Variants in ERC1 observed in about 807,000 individuals in gnomAD.
ERC1 encodes the protein ELKS/RAB6-interacting/CAST family member 1.
Under a neutral mutation model 132.0 loss-of-function variants are expected in ERC1, and 56 were observed. The observed-to-expected ratio is 0.42, with a 90% CI of 0.34 to 0.53. ERC1 has a LOEUF of 0.53. Ranked by LOEUF, ERC1 falls within the 20% of genes least tolerant of loss-of-function variation. ERC1 has a pLI of 0.03. For missense variants in ERC1, 1,202 were observed against 1,349.9 expected, an observed-to-expected ratio of 0.89 and a Z score of 1.72; for synonymous variants, 478 against 476.1, an observed-to-expected ratio of 1.00 and a Z score of -0.05.
At chr12:1,268,281 T>G (rs927091370) in intron 14 of ERC1, among the ~76,000 whole-genome samples, 1 of 152,260 alleles carries the variant, frequency 6.6e-6, no homozygotes, top group African/African-American at 2.4e-5. Flanking sequence ...TCCCTCATTG[T>G]TTATTAAATG....
At chr12:1,282,274 G>C (rs1250663364) in intron 14 of ERC1, among the ~76,000 whole-genome samples, 1 of 152,050 alleles carries the variant, frequency 6.6e-6, no homozygotes, top group African/African-American at 2.4e-5. Context: ...TTCTCTGTAT[G>C]ACCTCGGACA....
At chr12:1,404,040 T>G (rs111449649) in intron 16 of ERC1, among the ~76,000 whole-genome samples, 4,189 of 152,314 alleles carry the variant, frequency 0.028, 71 homozygotes, top group Middle Eastern at 0.058. Context: ...CTACATCTTT[T>G]CAAGATTGTC....
chr12:1,230,599 C>T (rs898282013), intron 12 of ERC1, among the ~76,000 whole-genome samples: 1 of 152,130 alleles, frequency 6.6e-6, no homozygotes, highest in African/African-American at 2.4e-5. Flanking sequence ...GCTCTATACT[C>T]TTATTCAGGT....
intron 12 of ERC1, among the ~76,000 whole-genome samples, chr12:1,219,576 A>T (rs1461528896): frequency 6.6e-6 from 1 of 151,440 alleles, no homozygotes; most frequent in Non-Finnish European, 1.5e-5. Flanking sequence ...TCCAATGGCT[A>T]TCTGCTTCTA....
At chr12:1,471,151 A>T (rs1309855994) in intron 18 of ERC1, among the ~76,000 whole-genome samples, 2 of 152,228 alleles carry the variant, frequency 1.3e-5, no homozygotes, top group Non-Finnish European at 2.9e-5. Flanking sequence ...CCTGCTGAGC[A>T]TGGTGGCACA....
chr12:1,281,318 C>T (rs1164818881), intron 14 of ERC1, among the ~76,000 whole-genome samples: 1 of 151,998 alleles, frequency 6.6e-6, no homozygotes, highest in Non-Finnish European at 1.5e-5. Flanking sequence ...ATTGTGTTAA[C>T]TCCCTAGCAA....
chr12:1,167,654 A>G (rs1266376531), intron 8 of ERC1, among the ~76,000 whole-genome samples: 2 of 151,700 alleles, frequency 1.3e-5, no homozygotes, highest in Non-Finnish European at 2.9e-5. Flanking sequence ...TAGAAAAATC[A>G]TGTAATTTTA....
intron 16 of ERC1, among the ~76,000 whole-genome samples, chr12:1,397,601 A>G (rs1367846234): frequency 6.6e-6 from 1 of 152,212 alleles, no homozygotes; most frequent in African/African-American, 2.4e-5. Context: ...AAGGGGGAAC[A>G]TGTGCAATTA....
chr12:1,322,375 A>T (rs548558785), intron 15 of ERC1, among the ~76,000 whole-genome samples: 1 of 152,316 alleles, frequency 6.6e-6, no homozygotes, highest in Admixed American at 6.5e-5. Context: ...AGGCCAATTT[A>T]GTGATAGAAC....
intron 16 of ERC1, chr12:1,390,538 C>G (rs2089865909): frequency 6.6e-6 from 1 of 151,988 alleles, no homozygotes; most frequent in Non-Finnish European, 1.5e-5. Flanking sequence ...AAACATGGGA[C>G]AAAGAATGAA....
At chr12:1,200,413 A>G (rs1327439959) in intron 12 of ERC1, among the ~76,000 whole-genome samples, 3 of 152,106 alleles carry the variant, frequency 2.0e-5, no homozygotes, top group Non-Finnish European at 4.4e-5. Flanking sequence ...TTCGCTAGTA[A>G]TCTCTCTTTC....
chr12:1,269,602 G>A (rs2077690479), intron 14 of ERC1, among the ~76,000 whole-genome samples: 1 of 152,134 alleles, frequency 6.6e-6, no homozygotes, highest in East Asian at 1.9e-4. Flanking sequence ...GTTGGGTGGA[G>A]GATGAATTAG....
intron 14 of ERC1, among the ~76,000 whole-genome samples, chr12:1,279,902 G>A (rs2078558255): frequency 6.6e-6 from 1 of 152,114 alleles, no homozygotes; most frequent in African/African-American, 2.4e-5. Flanking sequence ...CACCATGTTG[G>A]CCAGGCTGGT....
chr12:1,447,449 G>A (rs1387347647), intron 18 of ERC1, among the ~76,000 whole-genome samples: 18 of 150,858 alleles, frequency 1.2e-4, no homozygotes, highest in African/African-American at 3.4e-4. Flanking sequence ...CCGGGCAGTC[G>A]TGGCTACAAT....
chr12:1,379,743 G>C (rs2154377771), intron 16 of ERC1, among the ~76,000 whole-genome samples: 1 of 152,268 alleles, frequency 6.6e-6, no homozygotes, highest in Admixed American at 6.5e-5. Context: ...AGTGACCCGA[G>C]AGAGGAAGAG....
In ERC1 at chr12:1,339,879, G is replaced by A. The variant is rs181262769; in HGVS notation, c.2781-31954G>A. Reference sequence around the variant, plus strand: ...GGCTGGCTGGTTCTGTGCTCACCAAGGCTCCAACTGCAGTGACGGTCCAGC... The same window carrying A: ...GGCTGGCTGGTTCTGTGCTCACCAAAGCTCCAACTGCAGTGACGGTCCAGC... On this transcript the variant is annotated intron_variant, in intron 15 of 18. Transcript: ENST00000360905. Among the ~76,000 whole-genome samples, 28 of 152,304 alleles carry A rather than the reference G, an allele frequency of 1.8e-4. No homozygotes were observed. In the East Asian group the frequency reaches 3.5e-3, roughly 19 times the overall value.
At chr12:1,220,370 C>CATTCAGTAAATATTTGCTG (rs1410833909) in intron 12 of ERC1, among the ~76,000 whole-genome samples, 1 of 152,176 alleles carries the variant, frequency 6.6e-6, no homozygotes. Context: ...TCTTGGCAGG[C>CATTCAGTAAATATTTGCTG]ATTCAGTAAA....
At chr12:1,487,372 ATTTTTTTTTT>A (rs574707385) in intron 18 of ERC1, among the ~76,000 whole-genome samples, 961 of 57,988 alleles carry the variant, frequency 0.017, 11 homozygotes, top group African/African-American at 0.056. Context: ...AAGCATCTAG[ATTTTTTTTTT>A]TTTTTTTTTT....
intron 16 of ERC1, among the ~76,000 whole-genome samples, chr12:1,398,106 C>A (rs2090693551): frequency 6.6e-6 from 1 of 152,116 alleles, no homozygotes; most frequent in Admixed American, 6.6e-5. Flanking sequence ...ACCTCAGCCT[C>A]CCAAGTAGCT....
Sources: gnomAD v4.1 joint callset for allele counts (sites outside exome capture counted in the v4.1 genomes callset) on GRCh38, gnomAD v4.1.1 for gene constraint, MANE v1.5 for transcripts, NCBI Gene and HGNC (gene_info 2026-07-23, HGNC 2026-07-21) for gene names.